DSC2: variants seen among roughly 807,000 people sequenced by gnomAD.
The protein encoded by DSC2 is desmocollin-2.
Under a neutral mutation model 87.6 loss-of-function variants are expected in DSC2, and 51 were observed. The observed-to-expected ratio is 0.58, with a 90% CI of 0.46 to 0.74. The LOEUF is 0.74. Among genes scored for constraint, DSC2 ranks in the 30% least tolerant of loss-of-function variants. DSC2 has a pLI of 0.00. For synonymous variants in DSC2, 383 were observed against 393.2 expected (o/e 0.97, Z 0.31); for missense variants, 1,066 against 1,089.5 (o/e 0.98, Z 0.30).
At position 31,082,262 on chromosome 18, in the gene DSC2, A is replaced by T. The variant is rs765511398; in HGVS notation, c.1239T>A (p.Asn413Lys). The change falls in exon 9 of 16, where the codon AAT becomes AAA. Residue 413 changes from asparagine to lysine, a missense_variant. Asn to Lys is a moderately conservative substitution (Grantham distance 94, BLOSUM62 0). Coordinates refer to ENST00000280904, the MANE Select transcript of DSC2 (RefSeq NM_024422.6). ...CCTTAACTACACAAAGAACTCCTTC[A>T]TTGGTTTTGGCATCTGTTACAATTT... is the stretch of plus-strand genomic sequence containing the variant. ...NFKIVTDAKT[N>K]EGVLCVVKPL... 1 of 1,613,476 alleles carries T rather than the reference A, an allele frequency of 6.2e-7. No homozygotes were observed. Among genetic ancestry groups the T allele is most frequent in the Non-Finnish European group, 8.5e-7 (1 of 1,179,856 alleles).
At chr18:31,083,193 AT>A in intron 7 of DSC2, 133 bp from the exon 8 acceptor site, 1 of 1,024,614 alleles carries the variant, frequency 9.8e-7, no homozygotes, top group Non-Finnish European at 1.4e-6. Flanking sequence ...GCATTCGTGT[AT>A]TAGAAGAATT....
At chr18:31,075,427 T>G (rs1986982178) in intron 11 of DSC2, among the ~76,000 whole-genome samples, 1 of 152,182 alleles carries the variant, frequency 6.6e-6, no homozygotes, top group African/African-American at 2.4e-5. Context: ...ATTTGAAAGA[T>G]TGTAACAAAA....
chr18:31,069,122 A>T lies in DSC2; in HGVS notation c.2280T>A (p.Thr760=). The T allele has an allele frequency of 6.2e-7, 1 of 1,614,174 alleles. No individual in the cohort carries two copies. Among genetic ancestry groups the T allele is most frequent in the Non-Finnish European group, 8.5e-7 (1 of 1,180,006 alleles). ...VYSANGFTTQ[T]VGASAQGVCG... ...AAACTCCCTGAGCAGAAGCGCCCAC[A>T]GTTTGGGTTGTGAAGCCATTCGCAG... Residue 760 remains threonine (T), a synonymous_variant, in exon 15 of 16, where the codon ACT becomes ACA. Transcript: ENST00000280904.
intron 5 of DSC2, among the ~76,000 whole-genome samples, chr18:31,088,270 T>C (rs559417137): frequency 1.3e-5 from 2 of 152,318 alleles, no homozygotes; most frequent in South Asian, 2.1e-4. Context: ...ATGAGGACTT[T>C]AGGCATATCA....
In DSC2 at chr18:31,102,000, G is replaced by A; in HGVS notation, c.-29C>T. The A allele has an allele frequency of 2.8e-5, 42 of 1,481,864 alleles. No individual in the cohort carries two copies. The highest frequency in any genetic ancestry group is 3.8e-5 in the Non-Finnish European group (42 of 1,119,800). 91.8% of individuals were successfully genotyped at this position (1,481,864 alleles called of 1,614,324 possible). ...GAGGGCTCGGGGCAGGTCGCGGGCC[G>A]AGCGTCGGGCCGGGGTAGGAGGGCT... On this transcript the variant is annotated 5_prime_UTR_variant, in exon 1 of 16. Coordinates refer to ENST00000280904, the MANE Select transcript of DSC2 (RefSeq NM_024422.6).
At chr18:31,074,590 A>G (rs1204727271) in intron 12 of DSC2, 93 bp downstream of exon 12, 3 of 1,168,580 alleles carry the variant, frequency 2.6e-6, no homozygotes, top group Non-Finnish European at 3.7e-6. Flanking sequence ...TGTTTCCCAC[A>G]TGGTGAATTT....
At position 31,060,567 on chromosome 18, in the gene DSC2, G is replaced by C. The variant is rs1986482053; in HGVS notation, c.*7448C>G. 6.6e-6 allele frequency: 1 copy of C among 152,200 alleles called. No homozygotes were observed. The highest frequency in any genetic ancestry group is 2.4e-5 in the African/African-American group (1 of 41,452). 9.4% of individuals were successfully genotyped at this position (152,200 alleles called of 1,614,324 possible). A position where few individuals can be genotyped will look rare whatever the true frequency, so the allele number is the denominator to read the frequency against. On this transcript the variant is annotated 3_prime_UTR_variant, in exon 16 of 16. Coordinates refer to ENST00000280904, the MANE Select transcript of DSC2 (RefSeq NM_024422.6). ...CACAACAGCACAGTGATGCCAAACA[G>C]TTGCTGCCTTCTGGACAGTCACTTG...
chr18:31,080,975 T>C (rs1987200917), intron 9 of DSC2, among the ~76,000 whole-genome samples: 1 of 152,064 alleles, frequency 6.6e-6, no homozygotes, highest in Admixed American at 6.6e-5. Flanking sequence ...CAACTGCAAA[T>C]TTAAGATAAG....
intron 1 of DSC2, among the ~76,000 whole-genome samples, chr18:31,098,548 G>A (rs1451686377): frequency 2.0e-5 from 3 of 151,838 alleles, no homozygotes; most frequent in South Asian, 2.1e-4. Context: ...TCCACCTCCC[G>A]GGTTCAAGTG....
At chr18:31,095,561 G>A (rs1482990993) in intron 1 of DSC2, among the ~76,000 whole-genome samples, 4 of 152,120 alleles carry the variant, frequency 2.6e-5, no homozygotes, top group Non-Finnish European at 5.9e-5. Flanking sequence ...TTGGGCTAAG[G>A]TAATAATGTT....
chr18:31,100,781 G>A (rs935456618), intron 1 of DSC2, among the ~76,000 whole-genome samples: 3 of 152,140 alleles, frequency 2.0e-5, no homozygotes, highest in African/African-American at 7.2e-5. Context: ...ATTGATTGGC[G>A]CCCAACGCCT....
rs146029947 is a variant in DSC2 at position 31,069,088 on chromosome 18, C to T, written c.2314G>A (p.Val772Met). The T allele has an allele frequency of 1.6e-4, 260 of 1,613,980 alleles. No homozygotes were observed. Among genetic ancestry groups the T allele is most frequent in the Non-Finnish European group, 2.0e-4 (234 of 1,180,006 alleles). ...CCTCCGTTTTTGATTCCTGATCCCA[C>T]GGTGCCACAAACTCCCTGAGCAGAA... ...GASAQGVCGT[V>M]GSGIKNGGQE... Residue 772 changes from valine to methionine, a missense_variant, in exon 15 of 16, where the codon GTG (valine) becomes ATG (methionine). Coordinates refer to ENST00000280904, the MANE Select transcript of DSC2 (RefSeq NM_024422.6).
chr18:31,071,108 G>A (rs1346117940), intron 13 of DSC2, among the ~76,000 whole-genome samples: 2 of 151,682 alleles, frequency 1.3e-5, no homozygotes, highest in African/African-American at 4.8e-5. Flanking sequence ...TTTCTACATT[G>A]AATTTTATGT....
In DSC2 at chr18:31,064,044, G is replaced by T. The variant is rs918340163; in HGVS notation, c.*3971C>A. 6.5e-6 allele frequency: 1 copy of T among 152,724 alleles called. No individual in the cohort carries two copies. The highest frequency in any genetic ancestry group is 2.4e-5 in the African/African-American group (1 of 41,538). The allele number at this position is 152,724 out of a possible 1,614,324, so 9.5% of individuals were successfully genotyped here. A position where few individuals can be genotyped will look rare whatever the true frequency, so the allele number is the denominator to read the frequency against. On this transcript the variant is annotated 3_prime_UTR_variant, in exon 16 of 16. Transcript: ENST00000280904. ...AAGATTTAATCTGGGGTACTGGCGG[G>T]GGGGAATATTGATCAGGAATGAAGT... is the stretch of plus-strand genomic sequence containing the variant.
intron 1 of DSC2, among the ~76,000 whole-genome samples, chr18:31,097,323 T>A (rs1266643703): frequency 6.7e-6 from 1 of 149,282 alleles, no homozygotes; most frequent in African/African-American, 2.5e-5. Context: ...TCAAAAGCAA[T>A]TAAAAGTTGA....
rs1484780898 is a variant in DSC2 at position 31,059,727 on chromosome 18, T to C, written c.*8288A>G. 6.6e-6 allele frequency: 1 copy of C among 152,224 alleles called. No homozygotes were observed. The highest frequency in any genetic ancestry group is 2.4e-5 in the African/African-American group (1 of 41,468). 9.4% of individuals were successfully genotyped at this position (152,224 alleles called of 1,614,324 possible). The stretch of plus-strand genomic sequence containing the variant: ...TCTTAGTGTATTACAGATAGTCTCA[T>C]ATTTATTTAAATGTGAGATTATAAT... On this transcript the variant is annotated 3_prime_UTR_variant, in exon 16 of 16. Transcript: ENST00000280904.
At position 31,086,554 on chromosome 18, in the gene DSC2, G is replaced by C. The variant is rs748709100; in HGVS notation, c.942+22C>G. The C allele has an allele frequency of 3.7e-6, 6 of 1,613,714 alleles. No individual in the cohort carries two copies. The highest frequency in any genetic ancestry group is 5.1e-6 in the Non-Finnish European group (6 of 1,179,816). On this transcript the variant is annotated intron_variant, in intron 7 of 15. Coordinates refer to ENST00000280904, the MANE Select transcript of DSC2 (RefSeq NM_024422.6). The stretch of plus-strand genomic sequence containing the variant: ...TATTGAATAGCCACGTTATAATCAG[G>C]TTTTATTAATGTTTATGTTACCTCT...
At chr18:31,074,622 A>C in intron 12 of DSC2, 61 bp downstream of exon 12, 1 of 1,490,850 alleles carries the variant, frequency 6.7e-7, no homozygotes, top group Non-Finnish European at 9.1e-7. Flanking sequence ...ATACAAAAAA[A>C]AAAAAGTATC....
At chr18:31,100,464 A>G (rs759443291) in intron 1 of DSC2, among the ~76,000 whole-genome samples, 3 of 152,194 alleles carry the variant, frequency 2.0e-5, no homozygotes, top group Non-Finnish European at 4.4e-5. Flanking sequence ...ACTCATCAAC[A>G]TATGTTCTGA....
Sources: allele counts gnomAD v4.1 joint callset (sites outside exome capture counted in the v4.1 genomes callset), GRCh38; gene constraint gnomAD v4.1.1; transcripts MANE v1.5; gene names NCBI Gene and HGNC (gene_info 2026-07-23, HGNC 2026-07-21).